The following NEGR1 variants were observed in gnomAD, a reference collection of about 807,000 sequenced individuals.
NEGR1 encodes the protein neuronal growth regulator 1.
In NEGR1, 10 loss-of-function variants were observed where a neutral mutation model predicts 40.9. The ratio of observed to expected loss-of-function variants is 0.24; its 90% CI spans 0.15 to 0.42. The LOEUF is 0.42. Ranked by LOEUF, NEGR1 falls within the 10% of genes least tolerant of loss-of-function variation. NEGR1 has a pLI of 1.00. For synonymous variants in NEGR1, 185 were observed against 166.8 expected (o/e 1.11, Z -0.84); for missense variants, 352 against 438.9 (o/e 0.80, Z 1.77).
chr1:71,528,135 A>T (rs909474227), intron 6 of NEGR1, among the ~76,000 whole-genome samples: 2 of 151,400 alleles, frequency 1.3e-5, no homozygotes, highest in Non-Finnish European at 3.0e-5. Context: ...GATAATAAAG[A>T]TATAGAAATT....
chr1:71,756,406 A>C (rs796506583), intron 3 of NEGR1, among the ~76,000 whole-genome samples: 8 of 51,504 alleles, frequency 1.6e-4, no homozygotes, highest in South Asian at 6.4e-4. Context: ...AAAAACAAAA[A>C]CAAACAAAAA....
chr1:71,827,164 G>T (rs1401505918), intron 2 of NEGR1, among the ~76,000 whole-genome samples: 1 of 151,254 alleles, frequency 6.6e-6, no homozygotes, highest in Non-Finnish European at 1.5e-5. Flanking sequence ...AGAAAAAAAA[G>T]GAGCTTTTTT....
At chr1:71,922,571 A>G (rs1030934310) in intron 2 of NEGR1, among the ~76,000 whole-genome samples, 1 of 152,190 alleles carries the variant, frequency 6.6e-6, no homozygotes, top group African/African-American at 2.4e-5. Flanking sequence ...AGGGTAATTA[A>G]TTTTGTTGAT....
intron 1 of NEGR1, among the ~76,000 whole-genome samples, chr1:72,151,842 T>C (rs905980305): frequency 6.6e-6 from 1 of 151,824 alleles, no homozygotes; most frequent in East Asian, 1.9e-4. Context: ...TCATAATATA[T>C]AGTAATCCCA....
At position 72,044,889 on chromosome 1, in the gene NEGR1, G is replaced by A. The variant is rs181337380; in HGVS notation, c.177-109578C>T. ...TTATTTCCCACCAGAAAGAATAGAG[G>A]AAATTCAGCATTACTTCATAATAAT... is the stretch of plus-strand genomic sequence containing the variant. On this transcript the variant is annotated intron_variant, in intron 1 of 6. Transcript: ENST00000357731. Among the ~76,000 whole-genome samples, 121 of 151,906 alleles carry A rather than the reference G, an allele frequency of 8.0e-4. 1 individual carries two copies. The highest frequency in any genetic ancestry group is 2.8e-3 in the African/African-American group (115 of 41,492).
At chr1:72,138,158 T>C (rs1040650940) in intron 1 of NEGR1, among the ~76,000 whole-genome samples, 1 of 152,094 alleles carries the variant, frequency 6.6e-6, no homozygotes, top group African/African-American at 2.4e-5. Flanking sequence ...ATGGAGTATA[T>C]GTAAGATTTT....
intron 2 of NEGR1, among the ~76,000 whole-genome samples, chr1:71,778,708 A>C (rs1377254320): frequency 6.6e-6 from 1 of 152,214 alleles, no homozygotes; most frequent in Non-Finnish European, 1.5e-5. Flanking sequence ...AAGGTTAGAC[A>C]GAGATATGTA....
chr1:71,450,940 A>C (rs192277805), intron 6 of NEGR1, among the ~76,000 whole-genome samples: 11 of 152,324 alleles, frequency 7.2e-5, no homozygotes, highest in Admixed American at 2.0e-4. Context: ...TTTTTAAAAA[A>C]AGTGGTAGCA....
intron 1 of NEGR1, among the ~76,000 whole-genome samples, chr1:72,280,860 T>C (rs1000391422): frequency 6.6e-6 from 1 of 152,090 alleles, no homozygotes; most frequent in Non-Finnish European, 1.5e-5. Context: ...ACTGATGTTG[T>C]GCAAGCCAGA....
chr1:71,724,349 C>A (rs964709096), intron 3 of NEGR1, among the ~76,000 whole-genome samples: 3 of 152,108 alleles, frequency 2.0e-5, no homozygotes, highest in Non-Finnish European at 2.9e-5. Context: ...ATGATAGTTA[C>A]ATAGATAGAA....
In NEGR1 at chr1:71,638,980, GAATAAAATAA is replaced by G. The variant is rs199573293; in HGVS notation, c.668-27844_668-27835del. ...TCATTTCACCTATCACAAGGAGGAA[GAATAAAATAA>G]AATAAAATAAAATAAGAATAAAATA... is the stretch of plus-strand genomic sequence containing the variant. On this transcript the variant is annotated intron_variant, in intron 4 of 6. Coordinates refer to ENST00000357731, the MANE Select transcript of NEGR1 (RefSeq NM_173808.3). Among the ~76,000 whole-genome samples the G allele has an allele frequency of 2.0e-5, 3 of 151,390 alleles. No homozygotes were observed. In the Admixed American group the frequency reaches 2.0e-4, roughly 10 times the overall value.
chr1:71,997,933 A>T (rs1646519251), intron 1 of NEGR1, among the ~76,000 whole-genome samples: 1 of 152,032 alleles, frequency 6.6e-6, no homozygotes, highest in African/African-American at 2.4e-5. Flanking sequence ...ACCTATAGTC[A>T]TACCAGGTAA....
intron 1 of NEGR1, among the ~76,000 whole-genome samples, chr1:72,135,536 A>G (rs1650431743): frequency 6.6e-6 from 1 of 152,014 alleles, no homozygotes; most frequent in African/African-American, 2.4e-5. Context: ...GAATGCATCA[A>G]TTATTGCCTT....
intron 6 of NEGR1, among the ~76,000 whole-genome samples, chr1:71,501,032 G>T (rs1646995546): frequency 1.3e-5 from 2 of 151,984 alleles, no homozygotes; most frequent in African/African-American, 4.8e-5. Flanking sequence ...ACTTTCTTGT[G>T]TGGCCTTTAA....
chr1:72,123,841 G>T (rs1416360112), intron 1 of NEGR1, among the ~76,000 whole-genome samples: 1 of 151,932 alleles, frequency 6.6e-6, no homozygotes, highest in Non-Finnish European at 1.5e-5. Flanking sequence ...AAAAGCAAAA[G>T]GGAAAATTGA....
At chr1:71,545,514 G>C (rs796628427) in intron 6 of NEGR1, among the ~76,000 whole-genome samples, 3 of 151,692 alleles carry the variant, frequency 2.0e-5, no homozygotes, top group African/African-American at 7.2e-5. Context: ...TATATCTTCT[G>C]TCTTTCTATC....
intron 1 of NEGR1, among the ~76,000 whole-genome samples, chr1:71,947,360 G>A (rs552366067): frequency 3.9e-5 from 6 of 152,012 alleles, no homozygotes; most frequent in South Asian, 4.1e-4. Context: ...GACAGAAACC[G>A]TGAGAAAATC....
At chr1:72,257,528 T>A (rs61765646) in intron 1 of NEGR1, among the ~76,000 whole-genome samples, 20,952 of 152,062 alleles carry the variant, frequency 0.14, 1,674 homozygotes, top group Non-Finnish European at 0.18. Context: ...GTGTCCTCTG[T>A]CTCAAATGCC....
chr1:71,448,357 G>C (rs1646598027), intron 6 of NEGR1, among the ~76,000 whole-genome samples: 1 of 152,148 alleles, frequency 6.6e-6, no homozygotes, highest in African/African-American at 2.4e-5. Context: ...CCAGCACTTT[G>C]GGAGACTGAG....
Sources: gnomAD v4.1 joint callset for allele counts (sites outside exome capture counted in the v4.1 genomes callset) on GRCh38, gnomAD v4.1.1 for gene constraint, MANE v1.5 for transcripts, NCBI Gene and HGNC (gene_info 2026-07-23, HGNC 2026-07-21) for gene names.